The following DOCK7 variants were observed in gnomAD, a reference collection of about 807,000 sequenced individuals.
The protein encoded by DOCK7 is dedicator of cytokinesis protein 7.
Under a neutral mutation model 271.0 loss-of-function variants are expected in DOCK7, and 138 were observed. The ratio of observed to expected loss-of-function variants is 0.51; its 90% CI spans 0.44 to 0.59. The LOEUF (loss-of-function observed/expected upper bound fraction) is 0.59. DOCK7 is among the 20% of genes least tolerant of loss of function. The pLI is 0.00. For missense variants in DOCK7, 2,066 were observed against 2,592.4 expected (o/e 0.80, Z 4.41); for synonymous variants, 823 against 876.1 (o/e 0.94, Z 1.07).
At chr1:62,552,929 A>G (rs1378325955) in intron 21 of DOCK7, 28 bp from the exon 22 acceptor site, 1 of 1,428,764 alleles carries the variant, frequency 7.0e-7, no homozygotes, top group African/African-American at 1.4e-5. Context: ...ATAGCACATA[A>G]TTAAAGAAAA....
intron 4 of DOCK7, among the ~76,000 whole-genome samples, chr1:62,651,356 G>A (rs1657337604): frequency 1.4e-5 from 2 of 147,308 alleles, no homozygotes; most frequent in South Asian, 2.2e-4. Flanking sequence ...TATAAATGAC[G>A]AGTTAATGGG....
chr1:62,638,688 A>G (rs1449753999), intron 7 of DOCK7, among the ~76,000 whole-genome samples: 1 of 149,474 alleles, frequency 6.7e-6, no homozygotes, highest in Non-Finnish European at 1.5e-5. Context: ...TATAGATATG[A>G]AAATAGGAAA....
At chr1:62,518,723 G>A (rs1644751838) in intron 31 of DOCK7, among the ~76,000 whole-genome samples, 1 of 151,880 alleles carries the variant, frequency 6.6e-6, no homozygotes, top group Admixed American at 6.6e-5. Context: ...CTGGGTGACA[G>A]AGCAAGACCC....
rs17123733 is a variant in DOCK7, at chr1:62,633,269, A to G, written c.1116+229T>C. On this transcript the variant is annotated intron_variant, in intron 10 of 49. Transcript: ENST00000635253. ...AGAAGAGATTTTTAAAGAATACCAC[A>G]GCATATGAAACATATGACACAGGCT... is the stretch of plus-strand genomic sequence containing the variant. 0.021 allele frequency among the ~76,000 whole-genome samples: 3,166 copies of G among 152,284 alleles called. 119 individuals carry two copies. The highest frequency in any genetic ancestry group is 0.072 in the African/African-American group (2,992 of 41,556).
At chr1:62,616,972 TA>T (rs925840108) in intron 14 of DOCK7, among the ~76,000 whole-genome samples, 1 of 151,100 alleles carries the variant, frequency 6.6e-6, no homozygotes, top group Admixed American at 6.6e-5. Flanking sequence ...AGAGTAAAGG[TA>T]AAGATACTGT....
intron 43 of DOCK7, chr1:62,487,108 G>T: frequency 3.9e-6 from 1 of 258,310 alleles, no homozygotes; most frequent in Non-Finnish European, 7.4e-6. Context: ...AAATGTTGAT[G>T]AGAGAAATGC....
chr1:62,625,462 C>T (rs1430847646), intron 11 of DOCK7, 61 bp from the exon 12 acceptor site: 4 of 1,485,588 alleles, frequency 2.7e-6, no homozygotes, highest in Non-Finnish European at 3.7e-6. Context: ...TTTAAAGTAG[C>T]TTTCCAAACA....
At chr1:62,507,553 G>A (rs764878187) in intron 35 of DOCK7, among the ~76,000 whole-genome samples, 1 of 152,198 alleles carries the variant, frequency 6.6e-6, no homozygotes, top group Non-Finnish European at 1.5e-5. Flanking sequence ...CAACTGTTAG[G>A]ACCCAACACA....
At chr1:62,497,076 C>G (rs1646645237) in intron 37 of DOCK7, among the ~76,000 whole-genome samples, 1 of 152,076 alleles carries the variant, frequency 6.6e-6, no homozygotes, top group African/African-American at 2.4e-5. Context: ...TATCAATTGT[C>G]AAATCCAATA....
At chr1:62,559,711 CT>C (rs1289236270) in intron 19 of DOCK7, among the ~76,000 whole-genome samples, 1 of 152,092 alleles carries the variant, frequency 6.6e-6, no homozygotes, top group African/African-American at 2.4e-5. Context: ...TTCTTTTCCC[CT>C]ACCTCACTGT....
rs140994596 is a variant in DOCK7 at position 62,650,409 on chromosome 1, G to A, written c.390-1865C>T. 7.2e-5 allele frequency among the ~76,000 whole-genome samples: 11 copies of A among 152,180 alleles called. 2 individuals carry two copies. Among genetic ancestry groups the A allele is most frequent in the African/African-American group, 2.6e-4 (11 of 41,538 alleles). Reference sequence around the variant, plus strand: ...TCCCTTTATCATACTGTGCTGAATCGTGGAAGAATTTCATGGCTTCCAAAA... The same window carrying A: ...TCCCTTTATCATACTGTGCTGAATCATGGAAGAATTTCATGGCTTCCAAAA... On this transcript the variant is annotated intron_variant, in intron 4 of 49. Transcript: ENST00000635253.
intron 11 of DOCK7, 90 bp from the exon 12 acceptor site, chr1:62,625,491 A>G (rs1012167033): frequency 1.5e-6 from 2 of 1,316,940 alleles, no homozygotes; most frequent in South Asian, 1.5e-5. Context: ...AATCTACTAA[A>G]TTGAAAATTA....
chr1:62,489,179 G>A, intron 41 of DOCK7, 114 bp from the exon 42 acceptor site: 1 of 1,017,956 alleles, frequency 9.8e-7, no homozygotes, highest in African/African-American at 1.7e-5. Flanking sequence ...GCCAGACGCA[G>A]TGGCTCACAC....
At chr1:62,563,825 T>C (rs912910910) in intron 18 of DOCK7, among the ~76,000 whole-genome samples, 3 of 104,298 alleles carry the variant, frequency 2.9e-5, no homozygotes, top group East Asian at 6.6e-4. Flanking sequence ...AAGGCACACA[T>C]AGGCTCAAAA....
intron 40 of DOCK7, among the ~76,000 whole-genome samples, chr1:62,493,436 A>C (rs2149296363): frequency 6.6e-6 from 1 of 152,334 alleles, no homozygotes; most frequent in Non-Finnish European, 1.5e-5. Flanking sequence ...TTTCCAGATC[A>C]GATTTCCACG....
intron 16 of DOCK7, 147 bp from the exon 17 acceptor site, chr1:62,579,113 A>G: frequency 1.3e-6 from 1 of 778,062 alleles, no homozygotes; most frequent in Non-Finnish European, 1.8e-6. Flanking sequence ...CCCAATCTCT[A>G]AATAACTAAA....
At chr1:62,567,894 A>T (rs1646574920) in intron 18 of DOCK7, among the ~76,000 whole-genome samples, 1 of 152,160 alleles carries the variant, frequency 6.6e-6, no homozygotes, top group Non-Finnish European at 1.5e-5. Context: ...TTCAGTTCTA[A>T]AACAAGTGGA....
chr1:62,599,527 A>G (rs972283209), intron 14 of DOCK7, among the ~76,000 whole-genome samples: 1 of 152,016 alleles, frequency 6.6e-6, no homozygotes, highest in African/African-American at 2.4e-5. Context: ...TATTTAACAT[A>G]ACATAAATTT....
intron 41 of DOCK7, among the ~76,000 whole-genome samples, chr1:62,490,803 A>G (rs559209408): frequency 6.6e-6 from 1 of 152,220 alleles, no homozygotes; most frequent in Non-Finnish European, 1.5e-5. Flanking sequence ...CAAAAACAAA[A>G]AAATTTTTCC....
Sources: gnomAD v4.1 joint callset for allele counts (sites outside exome capture counted in the v4.1 genomes callset) on GRCh38, gnomAD v4.1.1 for gene constraint, MANE v1.5 for transcripts, NCBI Gene and HGNC (gene_info 2026-07-23, HGNC 2026-07-21) for gene names.